Variants in CD24 observed in about 807,000 individuals in gnomAD.
The protein encoded by CD24 is signal transducer CD24.
In CD24, 2 loss-of-function variants were observed where a neutral mutation model predicts 3.6. The observed-to-expected ratio is 0.56, with a 90% CI of 0.23 to 1.77. CD24 has a LOEUF of 1.77. Ranked by LOEUF, CD24 falls within the 40% of genes most tolerant of loss-of-function variation. CD24 has a pLI of 0.18. For synonymous variants in CD24, 33 were observed against 44.9 expected, an observed-to-expected ratio of 0.74 and a Z score of 1.06; for missense variants, 62 against 93.6, an observed-to-expected ratio of 0.66 and a Z score of 1.39.
intron 1 of CD24, chr6:106,973,501 G>C (rs1472164080): frequency 2.5e-6 from 1 of 396,680 alleles, no homozygotes; most frequent in African/African-American, 2.1e-5. Context: ...TCCACACTCA[G>C]GCTGCACTCC....
rs1472244831 is a variant in CD24, at chr6:106,971,724, A to G, written c.180T>C (p.Gly60=). 3 of 1,548,408 alleles carry G rather than the reference A, an allele frequency of 1.9e-6. No homozygotes were observed. In the African/African-American group the frequency reaches 4.1e-5, roughly 21 times the overall value. ...AGAGACTGGCTGTTGACTGCAGGGCACCACCAGCCGCCTTGGTGGTGGCAT... is the reference window on the plus strand; with the variant it reads ...AGAGACTGGCTGTTGACTGCAGGGCGCCACCAGCCGCCTTGGTGGTGGCAT... ...PTNATTKAAG[G]ALQSTASLFV... is the part of the protein sequence containing the mutation. Residue 60 remains glycine (G), a synonymous_variant, in exon 2 of 2, where the codon GGT becomes GGC. Transcript: ENST00000606017.
intron 1 of CD24, among the ~76,000 whole-genome samples, chr6:106,973,150 G>T (rs1423522459): frequency 6.6e-6 from 1 of 152,162 alleles, no homozygotes; most frequent in Non-Finnish European, 1.5e-5. Flanking sequence ...TTCATGCAAT[G>T]AGTTTTACTG....
chr6:106,974,256 G>A (rs2114901209), intron 1 of CD24, among the ~76,000 whole-genome samples: 1 of 152,210 alleles, frequency 6.6e-6, no homozygotes, highest in East Asian at 1.9e-4. Flanking sequence ...AGGCACCTCG[G>A]GCCTCTGGGT....
intron 1 of CD24, chr6:106,973,321 T>C (rs1390875296): frequency 4.2e-6 from 1 of 237,866 alleles, no homozygotes; most frequent in African/African-American, 2.2e-5. Flanking sequence ...ACTTACAATG[T>C]TGGAGGAAAA....
chr6:106,974,026 G>A (rs1037823569), intron 1 of CD24: 5,423 of 397,690 alleles, frequency 0.014, 224 homozygotes, highest in African/African-American at 0.097. Flanking sequence ...CGGAACCGGG[G>A]TTTGTTTAAA....
chr6:106,974,084 A>T (rs1032787738), intron 1 of CD24: 1 of 396,756 alleles, frequency 2.5e-6, no homozygotes, highest in Non-Finnish European at 4.4e-6. Context: ...TCCAACTCCG[A>T]GGGTGGAGGA....
chr6:106,971,383 A>G lies in CD24; in HGVS notation c.*278T>C, dbSNP rs1414265390. On this transcript the variant is annotated 3_prime_UTR_variant, in exon 2 of 2. Transcript: ENST00000606017. ...ATATTTCTCAAGCCACATTCAAGGAAATCATGTCTTAACTATTTTGGATGT... is the reference window on the plus strand; with the variant it reads ...ATATTTCTCAAGCCACATTCAAGGAGATCATGTCTTAACTATTTTGGATGT... The G allele has an allele frequency of 2.1e-5, 8 of 388,158 alleles. No homozygotes were observed. Among genetic ancestry groups the G allele is most frequent in the Non-Finnish European group, 3.2e-5 (7 of 217,482 alleles). 24.0% of individuals were successfully genotyped at this position (388,158 alleles called of 1,614,324 possible).
upstream of CD24, among the ~76,000 whole-genome samples, chr6:106,974,923 G>A (rs1175111597): frequency 9.1e-4 from 135 of 147,774 alleles, 1 homozygote; most frequent in African/African-American, 3.1e-3. Context: ...CGCGGGCCGG[G>A]AGCCCCCCGG....
intron 1 of CD24, among the ~76,000 whole-genome samples, chr6:106,972,211 A>G (rs1436827644): frequency 6.6e-6 from 1 of 152,238 alleles, no homozygotes; most frequent in Non-Finnish European, 1.5e-5. Context: ...GAGATTTTAA[A>G]GTTGCACAAA....
At position 106,974,687 on chromosome 6, in the gene CD24, G is replaced by A. The variant is rs1363483429; in HGVS notation, c.-41C>T. On this transcript the variant is annotated 5_prime_UTR_variant, in exon 1 of 2. Transcript: ENST00000606017. ...GCGCGGCGCGTCTAGCAGGATGCTG[G>A]GTGCTTGGAGAACCGCTGGCTCCGG... 65 of 1,484,448 alleles carry A rather than the reference G, an allele frequency of 4.4e-5. No homozygotes were observed. Among genetic ancestry groups the A allele is most frequent in the Non-Finnish European group, 5.5e-5 (62 of 1,122,924 alleles). 92.0% of individuals were successfully genotyped at this position (1,484,448 alleles called of 1,614,324 possible).
chr6:106,972,538 T>C (rs1184099151), intron 1 of CD24, among the ~76,000 whole-genome samples: 1 of 152,132 alleles, frequency 6.6e-6, no homozygotes, highest in Non-Finnish European at 1.5e-5. Flanking sequence ...GGTTATGGTG[T>C]TAAGTTTCAC....
At chr6:106,975,555 C>G (rs2114903318), upstream of CD24, 1 of 152,398 alleles carries the variant, frequency 6.6e-6, no homozygotes, top group Admixed American at 6.5e-5. Flanking sequence ...ACGGGGGCGT[C>G]CCGGGTCCGC....
chr6:106,971,875 A>C (rs1772980843), intron 1 of CD24, 41 bp from the exon 2 acceptor site: 1 of 1,326,672 alleles, frequency 7.5e-7, no homozygotes. Flanking sequence ...TTTCCACATC[A>C]CAGCTACCTC....
chr6:106,975,404 A>G (rs1238637088), upstream of CD24: 1 of 149,614 alleles, frequency 6.7e-6, no homozygotes, highest in East Asian at 2.1e-4. Context: ...CCTAGCGCGA[A>G]CCCTTCCCGG....
At chr6:106,973,609 G>A (rs1431122429) in intron 1 of CD24, 19 of 398,328 alleles carry the variant, frequency 4.8e-5, no homozygotes, top group Admixed American at 1.3e-4. Context: ...AACCCCAATC[G>A]AAGGCGCTGG....
Position 106,974,582 on chromosome 6 carries a change from G to T in CD24, c.65C>A (p.Thr22Lys), listed in dbSNP as rs1045493799. 5 of 1,446,306 alleles carry T rather than the reference G, an allele frequency of 3.5e-6. No individual in the cohort carries two copies. Among genetic ancestry groups the T allele is most frequent in the Non-Finnish European group, 4.5e-6 (5 of 1,109,036 alleles). 89.6% of individuals were successfully genotyped at this position (1,446,306 alleles called of 1,614,324 possible). A position where few individuals can be genotyped will look rare whatever the true frequency, so the allele number is the denominator to read the frequency against. ...CGCCGGGCGCCAGGGCCTCACCTGC[G>T]TGGGTAGGAGCAGTGCCAGCAGCAG... ...GLLLLALLLP[T>K]QIYSSETTTG... Residue 22 changes from threonine (T) to lysine (K), a missense_variant, in exon 1 of 2, where the codon ACG (threonine) becomes AAG (lysine). Transcript: ENST00000606017.
chr6:106,972,067 A>G (rs929000066), intron 1 of CD24, among the ~76,000 whole-genome samples: 47 of 152,358 alleles, frequency 3.1e-4, no homozygotes, highest in African/African-American at 1.0e-3. Flanking sequence ...ACAAGAACAA[A>G]AAAGTTATTC....
intron 1 of CD24, among the ~76,000 whole-genome samples, chr6:106,972,115 A>G (rs1772986126): frequency 6.6e-6 from 1 of 152,232 alleles, no homozygotes; most frequent in Non-Finnish European, 1.5e-5. Context: ...TTTGCAAAGG[A>G]AAAAAGGACC....
At chr6:106,973,313 T>G (rs1773017458) in intron 1 of CD24, 1 of 223,436 alleles carries the variant, frequency 4.5e-6, no homozygotes, top group African/African-American at 2.3e-5. Context: ...AACTTCTCAC[T>G]TACAATGTTG....
Sources: gnomAD v4.1 joint callset for allele counts (sites outside exome capture counted in the v4.1 genomes callset) on GRCh38, gnomAD v4.1.1 for gene constraint, MANE v1.5 for transcripts, NCBI Gene and HGNC (gene_info 2026-07-23, HGNC 2026-07-21) for gene names.